The following RFX3 variants were observed in gnomAD, a reference collection of about 807,000 sequenced individuals.
RFX3 encodes regulatory factor X3.
In RFX3, 14 loss-of-function variants were observed where a neutral mutation model predicts 98.6. The observed-to-expected ratio is 0.14, with a 90% CI of 0.09 to 0.22. The LOEUF (loss-of-function observed/expected upper bound fraction) is 0.22, where lower values mean the gene tolerates loss of function less well. RFX3 is among the 10% of genes least tolerant of loss of function. RFX3 has a pLI of 1.00. For synonymous variants in RFX3, 383 were observed against 328.4 expected, an observed-to-expected ratio of 1.17 and a Z score of -1.80; for missense variants, 639 against 926.9, an observed-to-expected ratio of 0.69 and a Z score of 4.03.
At position 3,316,918 on chromosome 9, in the gene RFX3, A is replaced by C. The variant is rs180869302; in HGVS notation, c.474+13341T>G. The stretch of plus-strand genomic sequence containing the variant: ...TCCATAACCATGGATAGGAAGAATC[A>C]ATATCGTGAAAATGGCCATACTGCC... On this transcript the variant is annotated intron_variant, in intron 4 of 16. Coordinates refer to ENST00000617270, the MANE Select transcript of RFX3 (RefSeq NM_001282116.2). 4.4e-3 allele frequency among the ~76,000 whole-genome samples: 671 copies of C among 152,332 alleles called. 6 individuals are homozygous for C. Among genetic ancestry groups the C allele is most frequent in the African/African-American group, 0.016 (645 of 41,580 alleles).
chr9:3,278,654 C>T (rs774566896), intron 7 of RFX3, among the ~76,000 whole-genome samples: 11 of 151,936 alleles, frequency 7.2e-5, no homozygotes, highest in Non-Finnish European at 1.2e-4. Flanking sequence ...GAACATCATA[C>T]AAACTAATGC....
chr9:3,378,851 C>T (rs1016603446), intron 2 of RFX3, among the ~76,000 whole-genome samples: 4 of 152,154 alleles, frequency 2.6e-5, no homozygotes, highest in African/African-American at 4.8e-5. Context: ...CTACCATGCC[C>T]GGCCTTCTTT....
intron 4 of RFX3, among the ~76,000 whole-genome samples, chr9:3,319,822 C>T (rs1831045289): frequency 6.7e-6 from 1 of 150,354 alleles, no homozygotes; most frequent in African/African-American, 2.5e-5. Context: ...AACAGTAATA[C>T]CTCAATAAAT....
At chr9:3,366,694 C>CTTTCTTTCTT (rs1837149747) in intron 2 of RFX3, among the ~76,000 whole-genome samples, 1 of 8,304 alleles carries the variant, frequency 1.2e-4, no homozygotes, top group Non-Finnish European at 3.0e-4. Flanking sequence ...TCTTTCTTTC[C>CTTTCTTTCTT]TTTCTTTCTT....
At chr9:3,510,446 A>G (rs1008874565) in intron 1 of RFX3, among the ~76,000 whole-genome samples, 1 of 152,070 alleles carries the variant, frequency 6.6e-6, no homozygotes, top group Non-Finnish European at 1.5e-5. Flanking sequence ...TAAGTGGATC[A>G]ATATTATTAT....
At chr9:3,352,202 C>A (rs910039759) in intron 2 of RFX3, among the ~76,000 whole-genome samples, 1 of 151,680 alleles carries the variant, frequency 6.6e-6, no homozygotes, top group Non-Finnish European at 1.5e-5. Flanking sequence ...TTTGTGTATA[C>A]AAAAATAAAT....
chr9:3,419,656 G>C (rs1406479020), intron 1 of RFX3, among the ~76,000 whole-genome samples: 2 of 152,310 alleles, frequency 1.3e-5, no homozygotes, highest in Non-Finnish European at 1.5e-5. Flanking sequence ...GGTATCTGCA[G>C]GGTATTGCTT....
chr9:3,241,690 C>T (rs1819943388), intron 15 of RFX3, among the ~76,000 whole-genome samples: 1 of 152,138 alleles, frequency 6.6e-6, no homozygotes, highest in Non-Finnish European at 1.5e-5. Context: ...CAACTAAAAC[C>T]AAACTACGAC....
At chr9:3,489,764 G>T (rs561970594) in intron 1 of RFX3, among the ~76,000 whole-genome samples, 1 of 152,126 alleles carries the variant, frequency 6.6e-6, no homozygotes, top group Admixed American at 6.6e-5. Context: ...GACAGGAAAA[G>T]ACTAACCTAT....
At chr9:3,346,819 A>G in intron 2 of RFX3, 55 bp from the exon 3 acceptor site, 3 of 1,032,928 alleles carry the variant, frequency 2.9e-6, no homozygotes, top group Non-Finnish European at 4.6e-6. Flanking sequence ...GGAAGAATAC[A>G]GAGCATTAGA....
chr9:3,257,958 A>G (rs577808383), intron 13 of RFX3, among the ~76,000 whole-genome samples: 1 of 152,302 alleles, frequency 6.6e-6, no homozygotes, highest in African/African-American at 2.4e-5. Context: ...TTTTAAGGCT[A>G]CTTTTCAGTG....
intron 1 of RFX3, among the ~76,000 whole-genome samples, chr9:3,490,745 GAAGC>G (rs1474573464): frequency 6.6e-6 from 1 of 152,108 alleles, no homozygotes; most frequent in Non-Finnish European, 1.5e-5. Flanking sequence ...TTCTTGTAGA[GAAGC>G]AAAAGTGAGA....
At chr9:3,376,150 C>T (rs931826811) in intron 2 of RFX3, among the ~76,000 whole-genome samples, 1 of 152,138 alleles carries the variant, frequency 6.6e-6, no homozygotes, top group African/African-American at 2.4e-5. Flanking sequence ...CTATATAACT[C>T]ATTTGCATGG....
intron 15 of RFX3, among the ~76,000 whole-genome samples, chr9:3,245,286 C>T (rs1319010281): frequency 2.0e-5 from 3 of 152,088 alleles, no homozygotes; most frequent in East Asian, 3.9e-4. Flanking sequence ...CAGAGGCTTC[C>T]AGGTAGAAAG....
chr9:3,302,797 A>G (rs1427813906), intron 4 of RFX3, among the ~76,000 whole-genome samples: 1 of 151,824 alleles, frequency 6.6e-6, no homozygotes, highest in African/African-American at 2.4e-5. Flanking sequence ...ATGGTAAAAC[A>G]CTTTATACAC....
intron 1 of RFX3, among the ~76,000 whole-genome samples, chr9:3,490,502 A>G (rs1489900576): frequency 1.3e-5 from 2 of 152,132 alleles, no homozygotes; most frequent in African/African-American, 2.4e-5. Context: ...CTTCACATGA[A>G]TGCACTGATA....
At chr9:3,378,346 T>C (rs1423006782) in intron 2 of RFX3, among the ~76,000 whole-genome samples, 2 of 152,132 alleles carry the variant, frequency 1.3e-5, no homozygotes, top group Non-Finnish European at 2.9e-5. Flanking sequence ...TATTATGAAG[T>C]TAGTTTAAAA....
chr9:3,292,145 G>C (rs1586909073), intron 6 of RFX3, among the ~76,000 whole-genome samples: 1 of 143,062 alleles, frequency 7.0e-6, no homozygotes, highest in South Asian at 2.3e-4. Flanking sequence ...AGCTAATTAA[G>C]GGTATATCAC....
At chr9:3,504,887 A>AAT (rs1816676919) in intron 1 of RFX3, among the ~76,000 whole-genome samples, 1 of 63,176 alleles carries the variant, frequency 1.6e-5, no homozygotes, top group Non-Finnish European at 2.3e-5. Context: ...TATTATATAT[A>AAT]ATATAACATA....
Sources: allele counts gnomAD v4.1 joint callset (sites outside exome capture counted in the v4.1 genomes callset), GRCh38; gene constraint gnomAD v4.1.1; transcripts MANE v1.5; gene names NCBI Gene and HGNC (gene_info 2026-07-23, HGNC 2026-07-21).